Variants in ZFAND4 observed in about 807,000 individuals in gnomAD.
ZFAND4 encodes the protein zinc finger AN1-type containing 4.
A neutral mutation model predicts 64.4 loss-of-function variants in ZFAND4; 43 were observed. The observed-to-expected ratio is 0.67, with a 90% CI of 0.52 to 0.86. ZFAND4 has a LOEUF of 0.86. Ranked by LOEUF, ZFAND4 falls within the 40% of genes least tolerant of loss-of-function variation. ZFAND4 has a pLI of 0.00. For missense variants in ZFAND4, 929 were observed against 859.8 expected (o/e 1.08, Z -1.01); for synonymous variants, 296 against 305.7 (o/e 0.97, Z 0.33).
intron 1 of ZFAND4, among the ~76,000 whole-genome samples, chr10:45,664,852 A>C (rs1316293099): frequency 6.6e-6 from 1 of 151,310 alleles, no homozygotes; most frequent in Non-Finnish European, 1.5e-5. Flanking sequence ...AATGGCGTGA[A>C]CCCGGGAGGC....
chr10:45,668,946 G>A (rs1234827915), intron 1 of ZFAND4, among the ~76,000 whole-genome samples: 1 of 152,102 alleles, frequency 6.6e-6, no homozygotes, highest in Non-Finnish European at 1.5e-5. Context: ...AGAGAAAGCA[G>A]GAAAGATCTA....
chr10:45,641,798 A>G (rs761243229), intron 5 of ZFAND4, among the ~76,000 whole-genome samples: 2 of 152,220 alleles, frequency 1.3e-5, no homozygotes, highest in Non-Finnish European at 1.5e-5. Context: ...TAAGGTAGAT[A>G]TTATAGCTGA....
intron 1 of ZFAND4, among the ~76,000 whole-genome samples, chr10:45,664,791 C>T (rs527409878): frequency 5.1e-4 from 78 of 151,828 alleles, no homozygotes; most frequent in African/African-American, 1.2e-3. Context: ...ATGAGCTGGG[C>T]GTGGCGGTGT....
At chr10:45,619,708 T>G (rs924221760) in intron 8 of ZFAND4, among the ~76,000 whole-genome samples, 3 of 152,094 alleles carry the variant, frequency 2.0e-5, no homozygotes, top group African/African-American at 7.2e-5. Context: ...TTTTTTTTTT[T>G]GTCACAACAG....
intron 8 of ZFAND4, among the ~76,000 whole-genome samples, chr10:45,619,125 G>A (rs2133501368): frequency 6.6e-6 from 1 of 151,572 alleles, no homozygotes; most frequent in African/African-American, 2.4e-5. Flanking sequence ...TGCAAGCTCT[G>A]TGTCTTGGGT....
chr10:45,626,509 T>G lies in ZFAND4; in HGVS notation c.1314A>C (p.Pro438=), dbSNP rs1385600882. 15 of 1,613,996 alleles carry G rather than the reference T, an allele frequency of 9.3e-6. No homozygotes were observed. Among genetic ancestry groups the G allele is most frequent in the Non-Finnish European group, 1.1e-5 (13 of 1,180,040 alleles). Residue 438 remains proline, a synonymous_variant, in exon 7 of 10, where the codon CCA becomes CCC. Coordinates refer to ENST00000344646, the MANE Select transcript of ZFAND4 (RefSeq NM_174890.4). Reference sequence around the variant, plus strand: ...CTGCAACATGCTTGAGATGCTGCTCTGGAGCTTTCAACCCTTTGTCAGCAT... The same window carrying G: ...CTGCAACATGCTTGAGATGCTGCTCGGGAGCTTTCAACCCTTTGTCAGCAT... ...LTNADKGLKA[P]EQHLKHVAGV... is the part of the protein sequence containing the mutation.
chr10:45,665,374 T>C (rs542154959), intron 1 of ZFAND4, among the ~76,000 whole-genome samples: 1 of 151,922 alleles, frequency 6.6e-6, no homozygotes, highest in Non-Finnish European at 1.5e-5. Context: ...ACCCCATCTC[T>C]ACCAAAAAAT....
At chr10:45,640,122 C>T (rs1027921319) in intron 5 of ZFAND4, 159 bp from the exon 6 acceptor site, 64 of 1,279,790 alleles carry the variant, frequency 5.0e-5, no homozygotes, top group Middle Eastern at 2.9e-4. Context: ...AAAGAATGTA[C>T]TTCTTAAAAG....
chr10:45,654,116 A>G (rs2047937868), intron 2 of ZFAND4, among the ~76,000 whole-genome samples: 1 of 152,190 alleles, frequency 6.6e-6, no homozygotes, highest in African/African-American at 2.4e-5. Context: ...GGAGCTAAAC[A>G]CTGAGTATAT....
intron 9 of ZFAND4, among the ~76,000 whole-genome samples, chr10:45,617,593 A>G (rs1422886155): frequency 2.3e-5 from 2 of 86,380 alleles, no homozygotes; most frequent in East Asian, 3.5e-4. Context: ...ACAGTACTGA[A>G]AAAAAAAAAA....
chr10:45,648,276 CAA>C lies in ZFAND4; in HGVS notation c.569+16_569+17del. On this transcript the variant is annotated intron_variant, in intron 5 of 9. Coordinates refer to ENST00000344646, the MANE Select transcript of ZFAND4 (RefSeq NM_174890.4). The stretch of plus-strand genomic sequence containing the variant: ...GATTATTTTGACAACACAAGGTAAA[CAA>C]AAGTTTATGGAGTACCTCATACGAT... 6.4e-7 allele frequency: 1 copy of C among 1,566,046 alleles called. No individual in the cohort carries two copies. Among genetic ancestry groups the C allele is most frequent in the Non-Finnish European group, 8.6e-7 (1 of 1,158,878 alleles).
chr10:45,619,975 G>C (rs372205789), intron 8 of ZFAND4, among the ~76,000 whole-genome samples: 4 of 152,260 alleles, frequency 2.6e-5, no homozygotes, highest in East Asian at 3.9e-4. Flanking sequence ...ACTTGCACTT[G>C]CACAAGACAC....
At position 45,651,600 on chromosome 10, in the gene ZFAND4, C is replaced by T. The variant is rs1015197438; in HGVS notation, c.328+366G>A. On this transcript the variant is annotated intron_variant, in intron 4 of 9. Coordinates refer to ENST00000344646, the MANE Select transcript of ZFAND4 (RefSeq NM_174890.4). Reference sequence around the variant, plus strand: ...CAGGCAATGTTGGAATTTTGCAAAACGATCATCATCTTGGGATTTGAAGAT... The same window carrying T: ...CAGGCAATGTTGGAATTTTGCAAAATGATCATCATCTTGGGATTTGAAGAT... The T allele has an allele frequency of 1.9e-4, 89 of 473,778 alleles. 1 individual carries two copies. Among genetic ancestry groups the T allele is most frequent in the Admixed American group, 9.4e-4 (40 of 42,646 alleles). 29.3% of individuals were successfully genotyped at this position (473,778 alleles called of 1,614,324 possible).
intron 1 of ZFAND4, among the ~76,000 whole-genome samples, chr10:45,667,074 C>T (rs113161631): frequency 0.06 from 9,102 of 152,236 alleles, 395 homozygotes; most frequent in African/African-American, 0.12. Context: ...TTGGAGAGTA[C>T]TGCAATCTTA....
intron 2 of ZFAND4, among the ~76,000 whole-genome samples, chr10:45,656,719 C>T (rs969546276): frequency 1.3e-5 from 2 of 151,938 alleles, no homozygotes; most frequent in African/African-American, 4.8e-5. Context: ...AGCCTAAATA[C>T]CCAATATAAT....
intron 6 of ZFAND4, among the ~76,000 whole-genome samples, chr10:45,638,328 A>C (rs1468830816): frequency 7.7e-6 from 1 of 129,130 alleles, no homozygotes. Context: ...CTAAAAATAC[A>C]AAAAAAAAAA....
intron 1 of ZFAND4, among the ~76,000 whole-genome samples, chr10:45,668,273 A>G (rs2048963891): frequency 1.3e-5 from 2 of 152,336 alleles, no homozygotes; most frequent in Admixed American, 6.5e-5. Context: ...TATTGGCCTT[A>G]GCCAAACTAA....
chr10:45,630,453 C>T (rs190524135), intron 6 of ZFAND4, among the ~76,000 whole-genome samples: 12 of 152,148 alleles, frequency 7.9e-5, no homozygotes, highest in East Asian at 1.9e-4. Flanking sequence ...AGGTATAGGC[C>T]GGGTGCGGTG....
chr10:45,658,188 G>A (rs780549562), intron 2 of ZFAND4, among the ~76,000 whole-genome samples: 1 of 152,192 alleles, frequency 6.6e-6, no homozygotes, highest in Non-Finnish European at 1.5e-5. Flanking sequence ...TAACTAGGGA[G>A]GGCCCTCATC....
Sources: allele counts gnomAD v4.1 joint callset (sites outside exome capture counted in the v4.1 genomes callset), GRCh38; gene constraint gnomAD v4.1.1; transcripts MANE v1.5; gene names NCBI Gene and HGNC (gene_info 2026-07-23, HGNC 2026-07-21).